Variants in DCDC2C observed in about 807,000 individuals in gnomAD.
DCDC2C encodes the protein doublecortin domain-containing protein 2C.
Under a neutral mutation model 45.0 loss-of-function variants are expected in DCDC2C, and 44 were observed. The ratio of observed to expected loss-of-function variants is 0.98; its 90% CI spans 0.77 to 1.26. DCDC2C has a LOEUF of 1.26. Ranked by LOEUF, DCDC2C falls within the 50% of genes most tolerant of loss-of-function variation. The probability of loss-of-function intolerance (pLI) is 0.00; values close to 1 mark genes in which losing one functional copy is unlikely to be tolerated. For missense variants in DCDC2C, 447 were observed against 468.9 expected (o/e 0.95, Z 0.43); for synonymous variants, 187 against 178.8 (o/e 1.05, Z -0.37).
rs565350580 is a variant in DCDC2C, at chr2:3,801,522, G to GA, written c.1065+16428dup. ...ATGTTTATGAGTCAGAAATTAAGAA[G>GA]AAAAAATCTCTAAAACTGTAACACA... On this transcript the variant is annotated intron_variant, in intron 10 of 10. Transcript: ENST00000399143. 5.4e-4 allele frequency among the ~76,000 whole-genome samples: 82 copies of GA among 152,328 alleles called. 1 individual carries two copies. In the East Asian group the frequency reaches 0.012, roughly 23 times the overall value.
At position 3,734,007 on chromosome 2, in the gene DCDC2C, T is replaced by A. The variant is rs554846294; in HGVS notation, c.416+6928T>A. Among the ~76,000 whole-genome samples, 1 of 152,362 alleles carries A rather than the reference T, an allele frequency of 6.6e-6. No individual in the cohort carries two copies. Among genetic ancestry groups the A allele is most frequent in the South Asian group, 2.1e-4 (1 of 4,832 alleles). ...ATTTTCCCAAGTGTCATCTGATTTC[T>A]TTATGCCGTATCCCTCAGTTTTAAT... is the stretch of plus-strand genomic sequence containing the variant. On this transcript the variant is annotated intron_variant, in intron 3 of 10. Transcript: ENST00000399143. This position sits in a 1 kb window ranked among gnomAD's most constrained non-coding sequence, Gnocchi z 4.2.
At chr2:3,834,457 G>A (rs1023703380) in intron 10 of DCDC2C, among the ~76,000 whole-genome samples, 1 of 152,152 alleles carries the variant, frequency 6.6e-6, no homozygotes, top group Admixed American at 6.5e-5. Flanking sequence ...CATACAGTGT[G>A]TACCTTTCAG....
At chr2:3,730,088 G>A (rs1211614431) in intron 3 of DCDC2C, among the ~76,000 whole-genome samples, 1 of 152,182 alleles carries the variant, frequency 6.6e-6, no homozygotes, top group East Asian at 1.9e-4. Context: ...AGAGACAGCC[G>A]AGGAGCACAA....
At chr2:3,715,868 A>G (rs1259911745) in intron 2 of DCDC2C, among the ~76,000 whole-genome samples, 1 of 152,166 alleles carries the variant, frequency 6.6e-6, no homozygotes, top group East Asian at 1.9e-4. Flanking sequence ...TACAATATAG[A>G]GTATGTGGGG....
At chr2:3,830,977 T>C (rs1297796665) in intron 10 of DCDC2C, among the ~76,000 whole-genome samples, 2 of 152,170 alleles carry the variant, frequency 1.3e-5, no homozygotes, top group South Asian at 2.1e-4. Flanking sequence ...GGGTGGATAA[T>C]TTCAGCCTGA....
At chr2:3,756,507 TA>T (rs1185390128) in intron 6 of DCDC2C, among the ~76,000 whole-genome samples, 2 of 152,174 alleles carry the variant, frequency 1.3e-5, no homozygotes, top group Non-Finnish European at 2.9e-5. Flanking sequence ...TCCCTGCAAA[TA>T]GCTTTGACTT....
intron 3 of DCDC2C, among the ~76,000 whole-genome samples, chr2:3,741,376 A>T (rs1307021800): frequency 3.3e-5 from 5 of 152,198 alleles, no homozygotes; most frequent in Non-Finnish European, 7.4e-5. Context: ...AGTGGGAGAC[A>T]TGTTTTATAA....
At chr2:3,790,129 C>A (rs1169985348) in intron 10 of DCDC2C, among the ~76,000 whole-genome samples, 1 of 152,206 alleles carries the variant, frequency 6.6e-6, no homozygotes, top group East Asian at 1.9e-4. Context: ...CAAGGAGGCT[C>A]TCGTGCTTCA....
chr2:3,785,233 C>T, intron 10 of DCDC2C, 133 bp downstream of exon 10: 1 of 585,428 alleles, frequency 1.7e-6, no homozygotes, highest in Non-Finnish European at 2.5e-6. Context: ...TGTCATACAC[C>T]CTAGCTCTAT....
intron 10 of DCDC2C, among the ~76,000 whole-genome samples, chr2:3,837,883 C>T (rs1672119582): frequency 1.3e-5 from 2 of 152,042 alleles, no homozygotes; most frequent in South Asian, 2.1e-4. Flanking sequence ...GCAGAGGATG[C>T]GGACACATAT....
At position 3,740,902 on chromosome 2, in the gene DCDC2C, T is replaced by C. The variant is rs907550827; in HGVS notation, c.417-1018T>C. 3.9e-4 allele frequency among the ~76,000 whole-genome samples: 59 copies of C among 152,198 alleles called. 1 individual carries two copies. The highest frequency in any genetic ancestry group is 1.2e-3 in the African/African-American group (50 of 41,446). ...AGAAGACAAAAAATGGCAGTAATAG[T>C]AAATTATAATGTAAAAAAATTAACC... On this transcript the variant is annotated intron_variant, in intron 3 of 10. Transcript: ENST00000399143.
At chr2:3,728,254 C>A (rs190038317) in intron 3 of DCDC2C, among the ~76,000 whole-genome samples, 1 of 152,338 alleles carries the variant, frequency 6.6e-6, no homozygotes. Flanking sequence ...TGGCCCCTTG[C>A]GCTTTTCCTG....
chr2:3,831,782 C>G (rs1195406964), intron 10 of DCDC2C, among the ~76,000 whole-genome samples: 1 of 152,184 alleles, frequency 6.6e-6, no homozygotes, highest in East Asian at 1.9e-4. Flanking sequence ...TCTGTGATGT[C>G]TAAGGCAGAG....
chr2:3,716,860 G>C (rs1668363590), intron 2 of DCDC2C, among the ~76,000 whole-genome samples: 1 of 152,192 alleles, frequency 6.6e-6, no homozygotes, highest in Admixed American at 6.5e-5. Flanking sequence ...ATGTTGTAGT[G>C]TGTATCAGGG....
intron 3 of DCDC2C, among the ~76,000 whole-genome samples, chr2:3,737,233 C>T (rs1669056125): frequency 6.6e-6 from 1 of 152,142 alleles, no homozygotes; most frequent in African/African-American, 2.4e-5. Flanking sequence ...CTAGAATCAG[C>T]CCCGAAGACC....
At position 3,815,464 on chromosome 2, in the gene DCDC2C, G is replaced by T. The variant is rs549499352; in HGVS notation, c.1065+30364G>T. 1.5e-4 allele frequency among the ~76,000 whole-genome samples: 23 copies of T among 152,318 alleles called. No homozygotes were observed. The East Asian group carries it at 4.2e-3, about 28-fold the overall frequency. On this transcript the variant is annotated intron_variant, in intron 10 of 10. Transcript: ENST00000399143. ...TCAATGGGAGCCTCCGAATGCTGCT[G>T]CTTCTAGTTGGCCATCTTGACCCCG...
At chr2:3,805,700 G>A (rs977690906) in intron 10 of DCDC2C, among the ~76,000 whole-genome samples, 2 of 152,182 alleles carry the variant, frequency 1.3e-5, no homozygotes, top group Admixed American at 6.5e-5. Flanking sequence ...TAGGACTTAC[G>A]AATTGTTTAC....
intron 6 of DCDC2C, among the ~76,000 whole-genome samples, chr2:3,757,718 C>T (rs139686051): frequency 9.9e-5 from 15 of 152,262 alleles, no homozygotes; most frequent in African/African-American, 3.1e-4. Flanking sequence ...TAAGCATGGG[C>T]GTAACCCTAG....
chr2:3,830,880 C>T (rs1671933133), intron 10 of DCDC2C, among the ~76,000 whole-genome samples: 1 of 152,224 alleles, frequency 6.6e-6, no homozygotes, highest in African/African-American at 2.4e-5. Flanking sequence ...CTGAGAATCT[C>T]AAATTTCTAT....
Sources: gnomAD v4.1 joint callset for allele counts (sites outside exome capture counted in the v4.1 genomes callset) on GRCh38, gnomAD v4.1.1 for gene constraint, Gnocchi (gnomAD v3.1) non-coding constraint, MANE v1.5 for transcripts, NCBI Gene and HGNC (gene_info 2026-07-23, HGNC 2026-07-21) for gene names.